TMEM178B: variants seen among roughly 807,000 people sequenced by gnomAD.
TMEM178B encodes the protein transmembrane protein 178B.
TMEM178B carries 5 observed loss-of-function variants against 31.0 expected under a neutral mutation model. The ratio of observed to expected loss-of-function variants is 0.16; its 90% confidence interval spans 0.08 to 0.34. TMEM178B has a LOEUF of 0.34. Ranked by LOEUF, TMEM178B falls within the 10% of genes least tolerant of loss-of-function variation. TMEM178B has a pLI of 1.00. For missense variants in TMEM178B, 275 were observed against 400.3 expected, an observed-to-expected ratio of 0.69 and a Z score of 2.67; for synonymous variants, 164 against 164.0, an observed-to-expected ratio of 1.00 and a Z score of 0.00.
At chr7:141,406,261 G>T (rs1455992962) in intron 2 of TMEM178B, among the ~76,000 whole-genome samples, 1 of 152,102 alleles carries the variant, frequency 6.6e-6, no homozygotes, top group Non-Finnish European at 1.5e-5. Flanking sequence ...TCTGCATTCT[G>T]GCCTCTTCCC....
chr7:141,363,743 C>T (rs1005774681), intron 2 of TMEM178B, among the ~76,000 whole-genome samples: 1 of 152,028 alleles, frequency 6.6e-6, no homozygotes, highest in Admixed American at 6.5e-5. Flanking sequence ...AAAGATAAGC[C>T]TGGACACACA....
chr7:141,401,168 A>C (rs1800755162), intron 2 of TMEM178B, among the ~76,000 whole-genome samples: 1 of 152,246 alleles, frequency 6.6e-6, no homozygotes, highest in Admixed American at 6.5e-5. Flanking sequence ...CATGACTCTC[A>C]TATAAAATAG....
At chr7:141,269,300 A>G (rs1798143716) in intron 2 of TMEM178B, among the ~76,000 whole-genome samples, 1 of 152,048 alleles carries the variant, frequency 6.6e-6, no homozygotes, top group South Asian at 2.1e-4. Context: ...CACGCTGGCC[A>G]GGCTGGTTTT....
At chr7:141,313,027 A>T (rs1246141352) in intron 2 of TMEM178B, among the ~76,000 whole-genome samples, 4 of 152,212 alleles carry the variant, frequency 2.6e-5, no homozygotes, top group African/African-American at 9.6e-5. Flanking sequence ...AGTAGGTCTC[A>T]GCCTTATTTT....
chr7:141,379,423 C>T (rs1352934863), intron 2 of TMEM178B, among the ~76,000 whole-genome samples: 3 of 152,206 alleles, frequency 2.0e-5, no homozygotes, highest in Non-Finnish European at 2.9e-5. Context: ...AGGCCGAAGC[C>T]GCAGTGAGCC....
intron 1 of TMEM178B, among the ~76,000 whole-genome samples, chr7:141,108,514 C>T (rs1472154632): frequency 6.6e-6 from 1 of 152,112 alleles, no homozygotes; most frequent in Non-Finnish European, 1.5e-5. Flanking sequence ...TGTGGAAATT[C>T]TTTTGATTGC....
chr7:141,174,080 GTA>G (rs1489624532), intron 1 of TMEM178B, among the ~76,000 whole-genome samples: 1 of 152,114 alleles, frequency 6.6e-6, no homozygotes, highest in Non-Finnish European at 1.5e-5. Context: ...TCTACATTAG[GTA>G]TATCTCCTAA....
chr7:141,170,989 C>T (rs1796338988), intron 1 of TMEM178B, among the ~76,000 whole-genome samples: 1 of 151,434 alleles, frequency 6.6e-6, no homozygotes, highest in Non-Finnish European at 1.5e-5. Flanking sequence ...ATGGTTATTA[C>T]AGGTTCAGAC....
rs151203456 is a variant in TMEM178B, at chr7:141,147,934, G to C, written c.383-64657G>C. Among the ~76,000 whole-genome samples the C allele has an allele frequency of 2.0e-5, 3 of 152,268 alleles. No homozygotes were observed. In the East Asian group the frequency reaches 5.8e-4, roughly 29 times the overall value. On this transcript the variant is annotated intron_variant, in intron 1 of 3. Coordinates refer to ENST00000565468, the MANE Select transcript of TMEM178B (RefSeq NM_001195278.2). ...AGAACATGTACAGGGGAGAAGAAGA[G>C]AACAGCGTTAGGTTTCTGTGCTGCT...
At chr7:141,358,045 A>G (rs768154156) in intron 2 of TMEM178B, among the ~76,000 whole-genome samples, 25 of 152,294 alleles carry the variant, frequency 1.6e-4, no homozygotes, top group Non-Finnish European at 2.8e-4. Context: ...GTTCTTGAGA[A>G]CAGAATTGAG....
At chr7:141,076,525 C>T (rs1159756334) in intron 1 of TMEM178B, among the ~76,000 whole-genome samples, 1 of 152,124 alleles carries the variant, frequency 6.6e-6, no homozygotes, top group African/African-American at 2.4e-5. Context: ...TGGTTTCTGG[C>T]GGTTCCATTC....
intron 2 of TMEM178B, among the ~76,000 whole-genome samples, chr7:141,220,267 C>T (rs551873163): frequency 4.6e-5 from 7 of 151,280 alleles, no homozygotes; most frequent in South Asian, 2.1e-4. Context: ...GAGTGGAGCT[C>T]GTGCTGCTTT....
chr7:141,404,681 C>T (rs868264740), intron 2 of TMEM178B, among the ~76,000 whole-genome samples: 4 of 152,216 alleles, frequency 2.6e-5, no homozygotes, highest in Admixed American at 1.3e-4. Context: ...TCTGCTAAGA[C>T]CCTAGTTCCA....
intron 1 of TMEM178B, among the ~76,000 whole-genome samples, chr7:141,120,423 T>C (rs1000627394): frequency 1.3e-5 from 2 of 152,224 alleles, no homozygotes; most frequent in African/African-American, 4.8e-5. Context: ...TGCAAGATTA[T>C]ACAAGATAAT....
intron 2 of TMEM178B, among the ~76,000 whole-genome samples, chr7:141,368,048 G>T (rs1222644191): frequency 2.0e-5 from 3 of 152,226 alleles, no homozygotes; most frequent in Non-Finnish European, 2.9e-5. Flanking sequence ...GCCAGGCACA[G>T]TAGCTCACGC....
At chr7:141,127,743 C>G (rs1795524241) in intron 1 of TMEM178B, among the ~76,000 whole-genome samples, 1 of 152,224 alleles carries the variant, frequency 6.6e-6, no homozygotes, top group Admixed American at 6.5e-5. Flanking sequence ...GGAACTAACA[C>G]AAGCACTGTG....
intron 3 of TMEM178B, among the ~76,000 whole-genome samples, chr7:141,458,861 C>T (rs1229619094): frequency 1.3e-5 from 2 of 152,188 alleles, no homozygotes; most frequent in East Asian, 3.9e-4. Flanking sequence ...TGGGTGCATG[C>T]ACCTGTGCGC....
At chr7:141,270,267 C>T (rs1798160512) in intron 2 of TMEM178B, among the ~76,000 whole-genome samples, 1 of 152,138 alleles carries the variant, frequency 6.6e-6, no homozygotes, top group African/African-American at 2.4e-5. Context: ...TGGGTACAGA[C>T]AGTCTACAGC....
chr7:141,434,559 T>G (rs1009732957), intron 2 of TMEM178B, among the ~76,000 whole-genome samples: 1 of 152,230 alleles, frequency 6.6e-6, no homozygotes, highest in Non-Finnish European at 1.5e-5. Context: ...ATGCATAGAA[T>G]GTATAATGAT....
Sources: gnomAD v4.1 joint callset for allele counts (sites outside exome capture counted in the v4.1 genomes callset) on GRCh38, gnomAD v4.1.1 for gene constraint, MANE v1.5 for transcripts, NCBI Gene and HGNC (gene_info 2026-07-23, HGNC 2026-07-21) for gene names.